The following DNAH12 variants were observed in gnomAD, a reference collection of about 807,000 sequenced individuals.
The protein encoded by DNAH12 is axonemal beta dynein heavy chain 12.
A neutral mutation model predicts 371.5 loss-of-function variants in DNAH12; 285 were observed. That is an observed-to-expected ratio of 0.77 (90% CI 0.70 to 0.85). DNAH12 has a LOEUF of 0.85. DNAH12 is among the 40% of genes least tolerant of loss of function. The probability of loss-of-function intolerance (pLI) is 0.00; values close to 1 mark genes in which losing one functional copy is unlikely to be tolerated. For missense variants in DNAH12, 3,611 were observed against 3,689.4 expected (o/e 0.98, Z 0.55); for synonymous variants, 1,200 against 1,213.0 (o/e 0.99, Z 0.22).
At chr3:57,396,744 G>C (rs1227265604) in intron 43 of DNAH12, among the ~76,000 whole-genome samples, 2 of 152,324 alleles carry the variant, frequency 1.3e-5, no homozygotes, top group African/African-American at 4.8e-5. Flanking sequence ...GCTAATTTTT[G>C]TATTTTTAGG....
chr3:57,491,622 T>A, intron 11 of DNAH12, among the ~76,000 whole-genome samples: 1 of 152,030 alleles, frequency 6.6e-6, no homozygotes, highest in East Asian at 1.9e-4. Flanking sequence ...TTTACACAAA[T>A]CACAAGCATC....
intron 39 of DNAH12, among the ~76,000 whole-genome samples, chr3:57,409,732 G>T (rs116264650): frequency 2.6e-5 from 4 of 151,968 alleles, no homozygotes; most frequent in African/African-American, 4.8e-5. Context: ...TTTGAAATTC[G>T]TCTACCCTTG....
intron 39 of DNAH12, among the ~76,000 whole-genome samples, chr3:57,411,913 C>A (rs79131341): frequency 0.024 from 3,607 of 152,214 alleles, 68 homozygotes; most frequent in Admixed American, 0.035. Context: ...GACTGACACA[C>A]CCAACTTTAA....
chr3:57,376,688 C>T (rs1435430145), intron 53 of DNAH12, among the ~76,000 whole-genome samples: 5 of 152,132 alleles, frequency 3.3e-5, no homozygotes, highest in African/African-American at 1.2e-4. Context: ...TTTGAACATA[C>T]ATAAAATTGG....
intron 39 of DNAH12, 127 bp from the exon 40 acceptor site, chr3:57,408,662 CTT>C (rs1167044665): frequency 8.2e-7 from 1 of 1,213,486 alleles, no homozygotes; most frequent in Non-Finnish European, 1.1e-6. Flanking sequence ...TCAGATAACA[CTT>C]TGAGTAGGAG....
chr3:57,395,323 A>T (rs2153348694), intron 43 of DNAH12, among the ~76,000 whole-genome samples: 1 of 152,280 alleles, frequency 6.6e-6, no homozygotes, highest in East Asian at 1.9e-4. Context: ...GTTGTTAAAC[A>T]TTTGTCAGCA....
At chr3:57,546,947 C>G (rs1343631725), upstream of DNAH12, among the ~76,000 whole-genome samples, 2 of 152,000 alleles carry the variant, frequency 1.3e-5, no homozygotes, top group Admixed American at 6.6e-5. Context: ...AGTTTGAGAC[C>G]AGCCTGGGCA....
rs141372201 is a variant in DNAH12 at position 57,428,054 on chromosome 3, G to A, written c.5253+579C>T. On this transcript the variant is annotated intron_variant, in intron 34 of 73. Coordinates refer to ENST00000495027, the MANE Select transcript of DNAH12 (RefSeq NM_001366028.2). ...AGTGATTCTCCTGCCTCAGCCTCCC[G>A]AGTAGCTGGGATTACAGGCATGTAC... is the stretch of plus-strand genomic sequence containing the variant. Among the ~76,000 whole-genome samples the A allele has an allele frequency of 3.0e-3, 448 of 151,742 alleles. 2 individuals are homozygous for A. Among genetic ancestry groups the A allele is most frequent in the South Asian group, 0.01 (49 of 4,798 alleles).
At position 57,405,028 on chromosome 3, in the gene DNAH12, G is replaced by C. The variant is rs933034879; in HGVS notation, c.6696C>G (p.Asp2232Glu). 6.5e-7 allele frequency: 1 copy of C among 1,545,198 alleles called. No individual in the cohort carries two copies. The highest frequency in any genetic ancestry group is 8.7e-7 in the Non-Finnish European group (1 of 1,145,070). The change falls in exon 42 of 74, where the codon GAC (aspartate) becomes GAG (glutamate). Residue 2232 changes from aspartate to glutamate, a missense_variant. Physicochemically the swap from Asp to Glu is conservative, Grantham distance 45. Transcript: ENST00000495027. ...PNIHHFSDVV[D>E]QCLDEYNQTH... ...TTTGATTATACTCATCTAAGCACTG[G>C]TCCACAACATCACTAAAATGATGAA...
chr3:57,513,097 C>T (rs1245304951), intron 4 of DNAH12, among the ~76,000 whole-genome samples: 1 of 150,848 alleles, frequency 6.6e-6, no homozygotes, highest in East Asian at 1.9e-4. Context: ...GAGATCGCAC[C>T]ACTGCACTCC....
chr3:57,472,413 T>C, intron 14 of DNAH12, 133 bp downstream of exon 14: 1 of 1,116,840 alleles, frequency 9.0e-7, no homozygotes, highest in Non-Finnish European at 1.3e-6. Context: ...GCCATAAGTG[T>C]GGCCAGTCTC....
At chr3:57,427,184 G>A (rs1420696429) in intron 34 of DNAH12, among the ~76,000 whole-genome samples, 2 of 147,732 alleles carry the variant, frequency 1.4e-5, no homozygotes, top group African/African-American at 5.0e-5. Flanking sequence ...AGGAGATGGT[G>A]GAAATGGTTG....
intron 13 of DNAH12, among the ~76,000 whole-genome samples, chr3:57,482,636 A>T (rs559821933): frequency 6.6e-6 from 1 of 152,222 alleles, no homozygotes; most frequent in East Asian, 1.9e-4. Context: ...TGTTTATTGC[A>T]GCACTATTCA....
intron 70 of DNAH12, among the ~76,000 whole-genome samples, chr3:57,297,609 G>A (rs1360689270): frequency 1.3e-5 from 2 of 151,908 alleles, no homozygotes; most frequent in Non-Finnish European, 2.9e-5. Flanking sequence ...GCCTACCTTG[G>A]CCTCCCAAAG....
intron 13 of DNAH12, among the ~76,000 whole-genome samples, chr3:57,476,389 C>T (rs1016936101): frequency 6.6e-6 from 1 of 151,992 alleles, no homozygotes; most frequent in African/African-American, 2.4e-5. Context: ...TATGGTGAAG[C>T]CCCGTCTCTA....
intron 4 of DNAH12, chr3:57,519,559 C>T (rs2068332229): frequency 3.0e-6 from 2 of 661,558 alleles, no homozygotes; most frequent in East Asian, 5.6e-5. Flanking sequence ...GATCCATCGA[C>T]TCCTATTTGA....
intron 69 of DNAH12, among the ~76,000 whole-genome samples, chr3:57,304,397 C>G (rs1435621948): frequency 1.3e-5 from 2 of 152,180 alleles, no homozygotes; most frequent in Non-Finnish European, 2.9e-5. Flanking sequence ...AATATCTCAC[C>G]AATTTTAAAT....
chr3:57,395,557 G>T (rs2063719664), intron 43 of DNAH12, among the ~76,000 whole-genome samples: 1 of 152,090 alleles, frequency 6.6e-6, no homozygotes, highest in Admixed American at 6.5e-5. Flanking sequence ...TTTGTTCTTA[G>T]AAATAAGTTT....
rs2063263405 is a variant in DNAH12, at chr3:57,375,484, C to G, written c.8646G>C (p.Leu2882Phe). The G allele has an allele frequency of 6.6e-6, 1 of 152,116 alleles. No homozygotes were observed. Among genetic ancestry groups the G allele is most frequent in the Non-Finnish European group, 1.5e-5 (1 of 68,006 alleles). 9.4% of individuals were successfully genotyped at this position (152,116 alleles called of 1,614,324 possible). A position where few individuals can be genotyped will look rare whatever the true frequency, so the allele number is the denominator to read the frequency against. Reference sequence around the variant, plus strand: ...CTGGATCACCCAGGGTTTTACTCAACAAGAACTCCTCTGAACACGGGATTT... The same window carrying G: ...CTGGATCACCCAGGGTTTTACTCAAGAAGAACTCCTCTGAACACGGGATTT... ...KKKIPCSEEFLLSKTLGDPVK... is the reference protein window; with the variant it reads ...KKKIPCSEEFFLSKTLGDPVK... Residue 2882 changes from leucine to phenylalanine, a missense_variant, in exon 55 of 74, where the codon TTG (leucine) becomes TTC (phenylalanine). Physicochemically the swap from Leu to Phe is conservative, Grantham distance 22. Around this residue, in one of 3 missense-constraint regions of DNAH12, gnomAD observed 2,266 missense variants for 2,236.9 expected, o/e 1.01. Transcript: ENST00000495027.
Sources: allele counts gnomAD v4.1 joint callset (sites outside exome capture counted in the v4.1 genomes callset), GRCh38; gene constraint gnomAD v4.1.1; regional missense constraint gnomAD v4.1.1; transcripts MANE v1.5; gene names NCBI Gene and HGNC (gene_info 2026-07-23, HGNC 2026-07-21).